The following AGAP1 variants were observed in gnomAD, a reference collection of about 807,000 sequenced individuals.
AGAP1 encodes the protein ArfGAP with GTPase domain, ankyrin repeat and PH domain 1.
In AGAP1, 29 loss-of-function variants were observed where a neutral mutation model predicts 105.3. The ratio of observed to expected loss-of-function variants is 0.28; its 90% CI spans 0.21 to 0.38. The LOEUF (loss-of-function observed/expected upper bound fraction) is 0.38, where lower values mean the gene tolerates loss of function less well. Ranked by LOEUF, AGAP1 falls within the 10% of genes least tolerant of loss-of-function variation. The pLI is 1.00. For synonymous variants in AGAP1, 509 were observed against 485.9 expected (o/e 1.05, Z -0.63); for missense variants, 998 against 1,165.1 (o/e 0.86, Z 2.09).
At chr2:235,804,498 T>G (rs559174956) in intron 8 of AGAP1, among the ~76,000 whole-genome samples, 10 of 152,234 alleles carry the variant, frequency 6.6e-5, no homozygotes, top group African/African-American at 2.4e-4. Context: ...CCTCCCCTAG[T>G]GTGTTCCAGC....
chr2:235,512,099 G>GAGTATGTA (rs55960286), intron 1 of AGAP1, among the ~76,000 whole-genome samples: 1 of 145,974 alleles, frequency 6.9e-6, no homozygotes, highest in Non-Finnish European at 1.5e-5. Flanking sequence ...ATGTGTGTGT[G>GAGTATGTA]TGTGAATGTG....
intron 1 of AGAP1, among the ~76,000 whole-genome samples, chr2:235,545,040 C>T (rs1943577511): frequency 6.6e-6 from 1 of 152,186 alleles, no homozygotes; most frequent in Admixed American, 6.5e-5. Context: ...ATTTTCTGAA[C>T]CTTCCGTCCC....
Position 235,992,188 on chromosome 2 carries a change from G to C in AGAP1, c.1645+23565G>C, listed in dbSNP as rs543371371. Among the ~76,000 whole-genome samples the C allele has an allele frequency of 5.3e-5, 8 of 151,794 alleles. No individual in the cohort carries two copies. The highest frequency in any genetic ancestry group is 5.2e-4 in the Admixed American group (8 of 15,250). On this transcript the variant is annotated intron_variant, in intron 13 of 17. Coordinates refer to ENST00000304032, the MANE Select transcript of AGAP1 (RefSeq NM_001037131.3). The surrounding 1 kb of genome is among the most constrained non-coding windows in gnomAD (Gnocchi z 4.8). ...GGGTCCGAGTTGCGTGGTTAGGAGC[G>C]CAGCGGAGGAGCCGGTCTTCCTGGG...
chr2:235,858,292 A>G (rs1375705876), intron 9 of AGAP1, among the ~76,000 whole-genome samples: 1 of 152,254 alleles, frequency 6.6e-6, no homozygotes, highest in East Asian at 1.9e-4. Flanking sequence ...AAATGTAAGA[A>G]TAATGCTATA....
Position 235,792,417 on chromosome 2 carries a change from C to A in AGAP1, c.674-5342C>A, listed in dbSNP as rs1398423707. On this transcript the variant is annotated intron_variant, in intron 6 of 17. Transcript: ENST00000304032. The surrounding 1 kb of genome is among the most constrained non-coding windows in gnomAD (Gnocchi z 5.3). ...CCAGGAGTGGACAAGCCACCTTCCC[C>A]AAACATGAAAGAGCCCAGTTTTGCT... Among the ~76,000 whole-genome samples the A allele has an allele frequency of 6.6e-6, 1 of 152,138 alleles. No homozygotes were observed. Among genetic ancestry groups the A allele is most frequent in the Non-Finnish European group, 1.5e-5 (1 of 68,036 alleles).
chr2:235,922,911 G>C (rs1413725174), intron 11 of AGAP1, among the ~76,000 whole-genome samples: 3 of 152,202 alleles, frequency 2.0e-5, no homozygotes, highest in African/African-American at 7.2e-5. Flanking sequence ...TATAAGTACA[G>C]CTAAAATTAT....
At chr2:235,595,989 G>T (rs1945514021) in intron 1 of AGAP1, among the ~76,000 whole-genome samples, 2 of 152,186 alleles carry the variant, frequency 1.3e-5, no homozygotes, top group Admixed American at 1.3e-4. Flanking sequence ...GTGTACAGGG[G>T]CCGGCAGATG....
chr2:235,776,980 A>G (rs111857356), intron 6 of AGAP1: 3 of 471,160 alleles, frequency 6.4e-6, no homozygotes, highest in Admixed American at 2.3e-5. Context: ...TGCTGAGTAC[A>G]TGGTGAGTTC....
At position 235,807,292 on chromosome 2, in the gene AGAP1, G is replaced by C; in HGVS notation, c.1011G>C (p.Ala337=). 1 of 1,604,952 alleles carries C rather than the reference G, an allele frequency of 6.2e-7. No homozygotes were observed. The highest frequency in any genetic ancestry group is 8.5e-7 in the Non-Finnish European group (1 of 1,177,670). Residue 337 remains alanine (A), a synonymous_variant, in exon 9 of 18, where the codon GCG becomes GCC. Coordinates refer to ENST00000304032, the MANE Select transcript of AGAP1 (RefSeq NM_001037131.3). ...DKEKKGLESR[A]DSIGSGRAIP... ...AGAAGAAAGGCCTGGAGAGTCGTGC[G>C]GACAGCATTGGGAGCGGCCGAGCCA...
intron 5 of AGAP1, among the ~76,000 whole-genome samples, chr2:235,748,262 C>T (rs1407893574): frequency 2.0e-5 from 3 of 152,252 alleles, no homozygotes; most frequent in South Asian, 2.1e-4. Flanking sequence ...GCGAGCATGC[C>T]GCTGAGGACG....
chr2:235,604,644 A>G (rs1349765073), intron 1 of AGAP1, among the ~76,000 whole-genome samples: 2 of 119,720 alleles, frequency 1.7e-5, no homozygotes, highest in African/African-American at 3.3e-5. Flanking sequence ...GTGCAGTGGC[A>G]CGATCTTGGC....
At chr2:235,928,422 G>C (rs373661679) in intron 11 of AGAP1, among the ~76,000 whole-genome samples, 43 of 152,276 alleles carry the variant, frequency 2.8e-4, no homozygotes, top group African/African-American at 1.0e-3. Context: ...AAGGAGAGAG[G>C]GGGTCACCCA....
intron 9 of AGAP1, among the ~76,000 whole-genome samples, chr2:235,822,762 G>A (rs1295851695): frequency 6.6e-6 from 1 of 152,200 alleles, no homozygotes; most frequent in Non-Finnish European, 1.5e-5. Flanking sequence ...TGGGAGTGGT[G>A]AGTGTGAGTG....
At chr2:235,775,405 A>G (rs1955786120) in intron 6 of AGAP1, among the ~76,000 whole-genome samples, 1 of 152,252 alleles carries the variant, frequency 6.6e-6, no homozygotes, top group African/African-American at 2.4e-5. Context: ...GTCCTCTTAA[A>G]TCATAGGTGT....
At chr2:235,836,777 A>G (rs1481538771) in intron 9 of AGAP1, among the ~76,000 whole-genome samples, 3 of 152,140 alleles carry the variant, frequency 2.0e-5, no homozygotes, top group African/African-American at 7.2e-5. Flanking sequence ...AGTTCCTGGT[A>G]TGTTTTCTAA....
intron 1 of AGAP1, among the ~76,000 whole-genome samples, chr2:235,521,737 TATATATGTGTGTGTGTG>T (rs1942624608): frequency 7.7e-6 from 1 of 129,858 alleles, no homozygotes; most frequent in African/African-American, 3.4e-5. Flanking sequence ...TTGTTTGTTA[TATATATGTGTGTGTGTG>T]TGTGTGTGTG....
At chr2:235,671,774 T>C (rs1207195311) in intron 1 of AGAP1, among the ~76,000 whole-genome samples, 1 of 152,166 alleles carries the variant, frequency 6.6e-6, no homozygotes, top group Non-Finnish European at 1.5e-5. Context: ...AAACCTCAGG[T>C]CTGTGTTCCC....
intron 4 of AGAP1, among the ~76,000 whole-genome samples, chr2:235,742,390 T>C (rs964770651): frequency 1.3e-5 from 2 of 152,158 alleles, no homozygotes; most frequent in Non-Finnish European, 2.9e-5. Flanking sequence ...CCGCAATAAT[T>C]AGGTGCATTC....
At position 235,732,384 on chromosome 2, in the gene AGAP1, C is replaced by T. The variant is rs1399074293; in HGVS notation, c.311-8579C>T. ...TTTTATTCATCAGTTCCCCAAATGC[C>T]GTTTTGATCCTCAGATCTGGACGTT... On this transcript the variant is annotated intron_variant, in intron 3 of 17. Coordinates refer to ENST00000304032, the MANE Select transcript of AGAP1 (RefSeq NM_001037131.3). The surrounding 1 kb of genome is among the most constrained non-coding windows in gnomAD (Gnocchi z 4.8). Among the ~76,000 whole-genome samples the T allele has an allele frequency of 1.8e-4, 28 of 152,160 alleles. No homozygotes were observed. Among genetic ancestry groups the T allele is most frequent in the Admixed American group, 1.7e-3 (26 of 15,276 alleles).
Sources: gnomAD v4.1 joint callset for allele counts (sites outside exome capture counted in the v4.1 genomes callset) on GRCh38, gnomAD v4.1.1 for gene constraint, Gnocchi (gnomAD v3.1) non-coding constraint, MANE v1.5 for transcripts, NCBI Gene and HGNC (gene_info 2026-07-23, HGNC 2026-07-21) for gene names.